The following SHISA6 variants were observed in gnomAD, a reference collection of about 807,000 sequenced individuals.
The protein encoded by SHISA6 is protein shisa-6.
A neutral mutation model predicts 47.9 loss-of-function variants in SHISA6; 22 were observed. That is an observed-to-expected ratio of 0.46 (90% CI 0.33 to 0.66). SHISA6 has a LOEUF of 0.66. Ranked by LOEUF, SHISA6 falls within the 30% of genes least tolerant of loss-of-function variation. The pLI is 0.02. For missense variants in SHISA6, 680 were observed against 764.6 expected (o/e 0.89, Z 1.30); for synonymous variants, 388 against 337.8 (o/e 1.15, Z -1.63).
chr17:11,366,923 T>G (rs145673116), intron 2 of SHISA6, among the ~76,000 whole-genome samples: 236 of 152,322 alleles, frequency 1.5e-3, no homozygotes, highest in African/African-American at 5.2e-3. Flanking sequence ...ATCAGGATTT[T>G]GGCAGATATA....
intron 3 of SHISA6, among the ~76,000 whole-genome samples, chr17:11,443,147 C>T (rs1915137694): frequency 6.6e-6 from 1 of 152,204 alleles, no homozygotes; most frequent in African/African-American, 2.4e-5. Flanking sequence ...CCTGAGAAGC[C>T]TTGTCTTCAG....
chr17:11,555,390 C>T (rs1329435383), intron 4 of SHISA6, among the ~76,000 whole-genome samples: 4 of 152,176 alleles, frequency 2.6e-5, no homozygotes, highest in Non-Finnish European at 4.4e-5. Flanking sequence ...AGCACTTTCA[C>T]ACAGAAGTAG....
intron 2 of SHISA6, among the ~76,000 whole-genome samples, chr17:11,264,793 T>C (rs1312001080): frequency 3.3e-5 from 5 of 152,238 alleles, no homozygotes; most frequent in Non-Finnish European, 5.9e-5. Context: ...ATTTATTACG[T>C]CAGAAACCTA....
At chr17:11,503,813 T>C (rs1470370750) in intron 3 of SHISA6, among the ~76,000 whole-genome samples, 1 of 152,236 alleles carries the variant, frequency 6.6e-6, no homozygotes, top group Non-Finnish European at 1.5e-5. Context: ...TAGCCGGCGC[T>C]ACTGTGGCTG....
In SHISA6 at chr17:11,276,125, G is replaced by A. The variant is rs1036983421; in HGVS notation, c.799+12599G>A. 9.2e-5 allele frequency among the ~76,000 whole-genome samples: 14 copies of A among 152,036 alleles called. No individual in the cohort carries two copies. In the East Asian group the frequency reaches 2.3e-3, roughly 25 times the overall value. ...CTCAAGTAGCTGGAATTACAGGCTC[G>A]TGCCACCATGCCTGGCTAATTTTTG... On this transcript the variant is annotated intron_variant, in intron 2 of 5. Transcript: ENST00000441885.
chr17:11,449,671 G>A (rs1304935939), intron 3 of SHISA6, among the ~76,000 whole-genome samples: 1 of 152,090 alleles, frequency 6.6e-6, no homozygotes, highest in Non-Finnish European at 1.5e-5. Flanking sequence ...CCACAAACTT[G>A]GTGGCTTAAC....
chr17:11,430,783 T>C (rs1248388721), intron 3 of SHISA6, among the ~76,000 whole-genome samples: 1 of 152,200 alleles, frequency 6.6e-6, no homozygotes, highest in Admixed American at 6.5e-5. Flanking sequence ...GTGAACCCCA[T>C]TGCCTCATTC....
In SHISA6 at chr17:11,374,383, AC is replaced by A. The variant is rs1263521270; in HGVS notation, c.800-5030del. Among the ~76,000 whole-genome samples, 9 of 151,422 alleles carry A rather than the reference AC, an allele frequency of 5.9e-5. No homozygotes were observed. The South Asian group carries it at 1.9e-3, about 32-fold the overall frequency. Reference sequence around the variant, plus strand: ...TTTTTTGTTTTCTCTCTAGTTTTTGACTTGAGTCTTGTTTAAAAATTCTTAC... The same window carrying A: ...TTTTTTGTTTTCTCTCTAGTTTTTGATTGAGTCTTGTTTAAAAATTCTTAC... On this transcript the variant is annotated intron_variant, in intron 2 of 5. Transcript: ENST00000441885.
chr17:11,368,570 T>A (rs1232243795), intron 2 of SHISA6, among the ~76,000 whole-genome samples: 1 of 152,202 alleles, frequency 6.6e-6, no homozygotes, highest in East Asian at 1.9e-4. Flanking sequence ...GTACTAGTAA[T>A]GATAGTAACT....
At chr17:11,457,954 G>A (rs996714096) in intron 3 of SHISA6, among the ~76,000 whole-genome samples, 5 of 149,924 alleles carry the variant, frequency 3.3e-5, no homozygotes, top group East Asian at 4.0e-4. Flanking sequence ...GCTTAGTGGC[G>A]GGTGCCTGTA....
chr17:11,447,103 C>G (rs1295511583), intron 3 of SHISA6, among the ~76,000 whole-genome samples: 4 of 152,114 alleles, frequency 2.6e-5, no homozygotes, highest in Non-Finnish European at 4.4e-5. Flanking sequence ...TTGCTTTTGC[C>G]TCAATAACAA....
At chr17:11,294,781 A>G (rs1160918532) in intron 2 of SHISA6, among the ~76,000 whole-genome samples, 1 of 152,106 alleles carries the variant, frequency 6.6e-6, no homozygotes, top group Non-Finnish European at 1.5e-5. Context: ...TTTCACCACT[A>G]AAAGATTGGT....
At chr17:11,438,983 C>T (rs1226347846) in intron 3 of SHISA6, among the ~76,000 whole-genome samples, 6 of 151,844 alleles carry the variant, frequency 4.0e-5, no homozygotes, top group South Asian at 2.1e-4. Context: ...GGGAAAGAGA[C>T]GGGAAGTAAA....
At chr17:11,394,958 T>C (rs1567593953) in intron 3 of SHISA6, among the ~76,000 whole-genome samples, 6 of 151,068 alleles carry the variant, frequency 4.0e-5, no homozygotes. Context: ...TATTTGAGAG[T>C]AAATTTCAGA....
chr17:11,284,460 T>C (rs1433810598), intron 2 of SHISA6, among the ~76,000 whole-genome samples: 1 of 152,166 alleles, frequency 6.6e-6, no homozygotes, highest in African/African-American at 2.4e-5. Context: ...AAGGGCAGTG[T>C]CAGTGACCCT....
intron 3 of SHISA6, among the ~76,000 whole-genome samples, chr17:11,435,321 A>T (rs1914907143): frequency 6.6e-6 from 1 of 152,188 alleles, no homozygotes; most frequent in Admixed American, 6.5e-5. Flanking sequence ...CTGAGGTCTG[A>T]ACAGGAAAAT....
intron 2 of SHISA6, among the ~76,000 whole-genome samples, chr17:11,306,375 A>T (rs965580712): frequency 6.6e-6 from 1 of 152,194 alleles, no homozygotes; most frequent in Non-Finnish European, 1.5e-5. Flanking sequence ...TTGAGAAAAG[A>T]GAAGGAGGGC....
intron 3 of SHISA6, among the ~76,000 whole-genome samples, chr17:11,476,704 C>T (rs996532169): frequency 6.6e-6 from 1 of 151,836 alleles, no homozygotes; most frequent in African/African-American, 2.4e-5. Flanking sequence ...GTGAGTGCTC[C>T]ATGTGAACTT....
At chr17:11,257,732 G>T (rs758335128) in intron 1 of SHISA6, among the ~76,000 whole-genome samples, 1 of 151,560 alleles carries the variant, frequency 6.6e-6, no homozygotes, top group East Asian at 1.9e-4. Flanking sequence ...AAGAGGAAAA[G>T]CTCAGTTATC....
Sources: allele counts gnomAD v4.1 joint callset (sites outside exome capture counted in the v4.1 genomes callset), GRCh38; gene constraint gnomAD v4.1.1; transcripts MANE v1.5; gene names NCBI Gene and HGNC (gene_info 2026-07-23, HGNC 2026-07-21).